ADAMTSL1: variants seen among roughly 807,000 people sequenced by gnomAD.
The protein encoded by ADAMTSL1 is ADAMTS like 1, also known as ADAMTS-like protein 1.
In ADAMTSL1, 126 loss-of-function variants were observed where a neutral mutation model predicts 201.8. The ratio of observed to expected loss-of-function variants is 0.62; its 90% CI spans 0.54 to 0.72. ADAMTSL1 has a LOEUF of 0.72. Among genes scored for constraint, ADAMTSL1 ranks in the 30% least tolerant of loss-of-function variants. ADAMTSL1 has a pLI of 0.00. For synonymous variants in ADAMTSL1, 1,121 were observed against 903.4 expected (o/e 1.24, Z -4.32); for missense variants, 2,679 against 2,277.8 (o/e 1.18, Z -3.59).
chr9:18,275,013 G>C (rs1832531305), intron 2 of ADAMTSL1, among the ~76,000 whole-genome samples: 1 of 151,912 alleles, frequency 6.6e-6, no homozygotes, highest in Admixed American at 6.6e-5. Flanking sequence ...ACCTCATCTG[G>C]TTGCTTTTAA....
At chr9:18,672,022 G>A (rs1365889958) in intron 9 of ADAMTSL1, among the ~76,000 whole-genome samples, 1 of 152,094 alleles carries the variant, frequency 6.6e-6, no homozygotes, top group African/African-American at 2.4e-5. Context: ...GGGCGACAGA[G>A]TGAGACTCCA....
intron 4 of ADAMTSL1, among the ~76,000 whole-genome samples, chr9:18,596,074 C>T (rs1824244220): frequency 6.6e-6 from 1 of 152,166 alleles, no homozygotes; most frequent in African/African-American, 2.4e-5. Flanking sequence ...CCACAGAAGA[C>T]AGTTTTGAAA....
intron 7 of ADAMTSL1, among the ~76,000 whole-genome samples, chr9:18,653,347 C>T (rs929423858): frequency 1.2e-4 from 18 of 152,208 alleles, no homozygotes; most frequent in Admixed American, 3.3e-4. Context: ...GTCTGCTTTG[C>T]CACTCAGTAT....
chr9:18,121,165 A>C (rs974622695), intron 1 of ADAMTSL1, among the ~76,000 whole-genome samples: 3 of 152,208 alleles, frequency 2.0e-5, no homozygotes, highest in African/African-American at 7.2e-5. Flanking sequence ...GAAAATCATC[A>C]ACTGGTATTT....
At chr9:18,470,629 T>C (rs1821169889), upstream of ADAMTSL1, among the ~76,000 whole-genome samples, 1 of 152,148 alleles carries the variant, frequency 6.6e-6, no homozygotes, top group Non-Finnish European at 1.5e-5. Flanking sequence ...GCAGAGAGGC[T>C]CAACCTGAAG....
chr9:18,776,842 A>G lies in ADAMTSL1; in HGVS notation c.2613A>G (p.Ile871Met), dbSNP rs1549986. The G allele has an allele frequency of 6.3e-7, 1 of 1,599,112 alleles. No individual in the cohort carries two copies. Among genetic ancestry groups the G allele is most frequent in the Non-Finnish European group, 8.5e-7 (1 of 1,173,208 alleles). The change falls in exon 19 of 29, where the codon ATA becomes ATG. Residue 871 changes from isoleucine to methionine, a missense_variant. Physicochemically the swap from Ile to Met is conservative, Grantham distance 10. Transcript: ENST00000380548. ...PHIAAARKVY[I>M]QTRRQRKLHF... ...TCGCGGCCGCCAGGAAGGTCTACAT[A>G]CAGACTCGCAGGCAGAGGAAGCTGC...
chr9:18,234,261 G>A (rs1830755542), intron 2 of ADAMTSL1, among the ~76,000 whole-genome samples: 1 of 152,196 alleles, frequency 6.6e-6, no homozygotes, highest in Non-Finnish European at 1.5e-5. Context: ...GGCAGAGAAC[G>A]AGTGTGTGAG....
At chr9:17,965,235 T>C (rs571843156) in intron 1 of ADAMTSL1, among the ~76,000 whole-genome samples, 9 of 152,124 alleles carry the variant, frequency 5.9e-5, no homozygotes, top group African/African-American at 1.7e-4. Context: ...CCTATGAACA[T>C]TTAAAGGGAG....
intron 1 of ADAMTSL1, among the ~76,000 whole-genome samples, chr9:18,101,408 G>A (rs1475086988): frequency 6.6e-6 from 1 of 151,236 alleles, no homozygotes; most frequent in Non-Finnish European, 1.5e-5. Flanking sequence ...TGAGGCAGGA[G>A]AATAGCTTGA....
intron 15 of ADAMTSL1, among the ~76,000 whole-genome samples, chr9:18,741,579 G>C (rs1476608178): frequency 6.6e-6 from 1 of 152,176 alleles, no homozygotes. Context: ...TAATCTGCTG[G>C]GGCTTCCATA....
intron 5 of ADAMTSL1, among the ~76,000 whole-genome samples, chr9:18,635,686 C>T (rs1173758327): frequency 6.6e-6 from 1 of 152,118 alleles, no homozygotes; most frequent in African/African-American, 2.4e-5. Flanking sequence ...AACTTGCAAA[C>T]CAATTTTTCA....
chr9:17,927,409 T>C (rs1481898526), intron 1 of ADAMTSL1, among the ~76,000 whole-genome samples: 1 of 151,158 alleles, frequency 6.6e-6, no homozygotes, highest in Non-Finnish European at 1.5e-5. Flanking sequence ...TATACATATG[T>C]ATGTGTATAT....
At chr9:17,968,865 C>G (rs1588494651) in intron 1 of ADAMTSL1, among the ~76,000 whole-genome samples, 1 of 152,118 alleles carries the variant, frequency 6.6e-6, no homozygotes, top group South Asian at 2.1e-4. Context: ...TGGTATCTAA[C>G]TGCCTCAATG....
chr9:18,147,690 C>G (rs148264101), intron 1 of ADAMTSL1, among the ~76,000 whole-genome samples: 100 of 152,122 alleles, frequency 6.6e-4, no homozygotes, highest in African/African-American at 2.3e-3. Flanking sequence ...TTTGGCTGAC[C>G]TATTCTTTTG....
At chr9:18,029,413 CTTACATG>C (rs746470848) in intron 1 of ADAMTSL1, among the ~76,000 whole-genome samples, 5 of 152,296 alleles carry the variant, frequency 3.3e-5, no homozygotes, top group Middle Eastern at 3.4e-3. Flanking sequence ...GGATTAAAGA[CTTACATG>C]TTACACCTAA....
At chr9:18,156,996 A>G (rs1360679543) in intron 1 of ADAMTSL1, among the ~76,000 whole-genome samples, 2 of 152,172 alleles carry the variant, frequency 1.3e-5, no homozygotes, top group Middle Eastern at 3.4e-3. Flanking sequence ...ATCATCTTAT[A>G]TATGTCAAGG....
At chr9:18,545,994 G>A (rs1348194451) in intron 3 of ADAMTSL1, among the ~76,000 whole-genome samples, 1 of 152,144 alleles carries the variant, frequency 6.6e-6, no homozygotes, top group East Asian at 1.9e-4. Flanking sequence ...TTCCCTCCAA[G>A]ACATCACTTT....
chr9:18,027,296 C>A (rs760049239), intron 1 of ADAMTSL1, among the ~76,000 whole-genome samples: 1 of 151,344 alleles, frequency 6.6e-6, no homozygotes, highest in Non-Finnish European at 1.5e-5. Context: ...TTTCTCTAGG[C>A]GCAATTTAGA....
At chr9:18,011,745 C>T (rs1037776892) in intron 1 of ADAMTSL1, among the ~76,000 whole-genome samples, 1 of 151,930 alleles carries the variant, frequency 6.6e-6, no homozygotes, top group Non-Finnish European at 1.5e-5. Flanking sequence ...AATCCAAAGC[C>T]TAAAGGGGTT....
Sources: gnomAD v4.1 joint callset for allele counts (sites outside exome capture counted in the v4.1 genomes callset) on GRCh38, gnomAD v4.1.1 for gene constraint, MANE v1.5 for transcripts, NCBI Gene and HGNC (gene_info 2026-07-23, HGNC 2026-07-21) for gene names.